The following SASH1 variants were observed in gnomAD, a reference collection of about 807,000 sequenced individuals.
SASH1 encodes the protein SAM and SH3 domain containing 1.
Under a neutral mutation model 125.2 loss-of-function variants are expected in SASH1, and 44 were observed. The observed-to-expected ratio is 0.35, with a 90% CI of 0.28 to 0.45. The LOEUF (loss-of-function observed/expected upper bound fraction) is 0.45. SASH1 is among the 20% of genes least tolerant of loss of function. The pLI is 1.00. For synonymous variants in SASH1, 639 were observed against 649.1 expected, an observed-to-expected ratio of 0.98 and a Z score of 0.24; for missense variants, 1,426 against 1,614.5, an observed-to-expected ratio of 0.88 and a Z score of 2.00.
chr6:148,302,047 G>A (rs1167745737), intron 1 of SASH1, among the ~76,000 whole-genome samples: 2 of 151,366 alleles, frequency 1.3e-5, no homozygotes, highest in East Asian at 2.0e-4. Flanking sequence ...CGGGCGTGGC[G>A]GCTCACGCCT....
At position 148,548,308 on chromosome 6, in the gene SASH1, G is replaced by C. The variant is rs749232650; in HGVS notation, c.3494G>C (p.Gly1165Ala). The C allele has an allele frequency of 5.6e-6, 9 of 1,612,094 alleles. No homozygotes were observed. Among genetic ancestry groups the C allele is most frequent in the Admixed American group, 1.7e-5 (1 of 59,782 alleles). ...KQHRMAIPSG[G>A]LTEICRKPVS... ...TAATTTATCCAGATTCCAAGTGGTG[G>C]ACTCACGGAAATCTGCCGAAAGCCC... Residue 1165 changes from glycine (G) to alanine (A), a missense_variant, in exon 20 of 20, where the codon GGA becomes GCA. Transcript: ENST00000367467.
chr6:148,516,021 A>C (rs939104319), intron 9 of SASH1, among the ~76,000 whole-genome samples: 13 of 152,212 alleles, frequency 8.5e-5, no homozygotes, highest in Non-Finnish European at 1.5e-4. Flanking sequence ...AAATACAGAC[A>C]TTGTAATTTG....
At chr6:148,499,936 G>A (rs2115263887) in intron 8 of SASH1, among the ~76,000 whole-genome samples, 1 of 152,110 alleles carries the variant, frequency 6.6e-6, no homozygotes, top group East Asian at 1.9e-4. Flanking sequence ...TTGTCTTTGA[G>A]GTCTCATTTA....
intron 16 of SASH1, among the ~76,000 whole-genome samples, chr6:148,536,320 GT>G (rs917017064): frequency 6.6e-6 from 1 of 152,002 alleles, no homozygotes; most frequent in Non-Finnish European, 1.5e-5. Flanking sequence ...AACAGCTGGG[GT>G]TTTTGTTTTG....
intron 8 of SASH1, among the ~76,000 whole-genome samples, chr6:148,503,298 G>T (rs1779636560): frequency 7.0e-6 from 1 of 143,508 alleles, no homozygotes; most frequent in African/African-American, 2.6e-5. Flanking sequence ...CAATTCTACA[G>T]TCGAGTCATC....
chr6:148,508,316 G>C (rs1019774018), intron 8 of SASH1: 19 of 185,742 alleles, frequency 1.0e-4, no homozygotes, highest in African/African-American at 3.8e-4. Flanking sequence ...CTCCCTTAAG[G>C]GGGTGTTCAG....
In SASH1 at chr6:148,529,681, T is replaced by C. The variant is rs1388260245; in HGVS notation, c.1429-1845T>C. 6.6e-6 allele frequency among the ~76,000 whole-genome samples: 1 copy of C among 152,252 alleles called. No homozygotes were observed. ...ATTTTACTACCATATAGCAATCTTA[T>C]GTGCTTAGTTCTGTTTTTTTAAAGC... On this transcript the variant is annotated intron_variant, in intron 12 of 19. Transcript: ENST00000367467. This position sits in a 1 kb window ranked among gnomAD's most constrained non-coding sequence, Gnocchi z 4.2.
At chr6:148,387,572 CTTT>C (rs1783447090) in intron 1 of SASH1, among the ~76,000 whole-genome samples, 30 of 5,194 alleles carry the variant, frequency 5.8e-3, no homozygotes, top group East Asian at 3.6e-3. Flanking sequence ...TTTTCTCTTT[CTTT>C]CTTTCTTTCT....
intron 2 of SASH1, among the ~76,000 whole-genome samples, chr6:148,419,743 G>A (rs141589590): frequency 1.8e-3 from 276 of 152,298 alleles, no homozygotes; most frequent in Middle Eastern, 0.017. Context: ...CTGAGAAAAA[G>A]ACATGCTATG....
intron 2 of SASH1, among the ~76,000 whole-genome samples, chr6:148,434,519 C>T (rs1057365125): frequency 1.3e-5 from 2 of 151,922 alleles, no homozygotes; most frequent in African/African-American, 4.8e-5. Flanking sequence ...AACATGCATG[C>T]GTTCATGTTG....
chr6:148,380,707 A>C (rs1414321594), intron 1 of SASH1, among the ~76,000 whole-genome samples: 2 of 152,192 alleles, frequency 1.3e-5, no homozygotes, highest in African/African-American at 4.8e-5. Context: ...CCACATTTTC[A>C]AGTTCTTAGG....
At chr6:148,499,598 G>T in intron 8 of SASH1, among the ~76,000 whole-genome samples, 1 of 152,276 alleles carries the variant, frequency 6.6e-6, no homozygotes, top group Middle Eastern at 3.4e-3. Flanking sequence ...CACACAGAAA[G>T]TCCAGCAAGC....
At chr6:148,261,555 T>C in the SASH1 span, among the ~76,000 whole-genome samples, 1 of 152,174 alleles carries the variant, frequency 6.6e-6, no homozygotes, top group African/African-American at 2.4e-5. Context: ...GATTTCTAGA[T>C]ACAGGTGGCG....
At chr6:148,283,650 T>A (rs2128506429) in intron 1 of SASH1, among the ~76,000 whole-genome samples, 1 of 152,246 alleles carries the variant, frequency 6.6e-6, no homozygotes, top group South Asian at 2.1e-4. Flanking sequence ...GGCATGCACC[T>A]GTAATCCCAG....
chr6:148,309,447 C>A (rs1326741441), intron 1 of SASH1, among the ~76,000 whole-genome samples: 1 of 152,156 alleles, frequency 6.6e-6, no homozygotes, highest in Non-Finnish European at 1.5e-5. Context: ...CTCAGTTACA[C>A]TAGTGTGGCA....
intron 1 of SASH1, among the ~76,000 whole-genome samples, chr6:148,333,571 G>A (rs1228223263): frequency 6.6e-6 from 1 of 151,366 alleles, no homozygotes; most frequent in African/African-American, 2.4e-5. Flanking sequence ...TGTCGCTGTT[G>A]TTGTTGTTGA....
chr6:148,274,629 G>A (rs1412693513), intron 1 of SASH1, among the ~76,000 whole-genome samples: 1 of 152,190 alleles, frequency 6.6e-6, no homozygotes, highest in East Asian at 1.9e-4. Context: ...GTCCTAAAGA[G>A]ACAAGTGAAT....
At chr6:148,284,629 T>C (rs770497251) in intron 1 of SASH1, among the ~76,000 whole-genome samples, 18 of 152,222 alleles carry the variant, frequency 1.2e-4, no homozygotes, top group Non-Finnish European at 1.8e-4. Flanking sequence ...AATTTTCCAC[T>C]TAAAATATTA....
rs1780661287 is a variant in SASH1 at position 148,519,476 on chromosome 6, T to G, written c.863-71T>G. On this transcript the variant is annotated intron_variant, in intron 9 of 19. Transcript: ENST00000367467. The surrounding 1 kb of genome is among the most constrained non-coding windows in gnomAD (Gnocchi z 4.8). ...AGGGTCATGATACGGAGAAAGGTGG[T>G]GAATGTAAAGAAAGATGTATGCAAG... is the stretch of plus-strand genomic sequence containing the variant. The G allele has an allele frequency of 8.9e-7, 1 of 1,122,364 alleles. No individual in the cohort carries two copies. Among genetic ancestry groups the G allele is most frequent in the South Asian group, 1.4e-5 (1 of 69,348 alleles). 69.5% of individuals were successfully genotyped at this position (1,122,364 alleles called of 1,614,324 possible).
Sources: allele counts gnomAD v4.1 joint callset (sites outside exome capture counted in the v4.1 genomes callset), GRCh38; gene constraint gnomAD v4.1.1; non-coding constraint Gnocchi (gnomAD v3.1); transcripts MANE v1.5; gene names NCBI Gene and HGNC (gene_info 2026-07-23, HGNC 2026-07-21).